FXR1: variants seen among roughly 807,000 people sequenced by gnomAD.
FXR1 encodes FMR1 autosomal homolog 1.
In FXR1, 15 loss-of-function variants were observed where a neutral mutation model predicts 84.0. The observed-to-expected ratio is 0.18, with a 90% CI of 0.12 to 0.27. The LOEUF (loss-of-function observed/expected upper bound fraction) is 0.27, where lower values mean the gene tolerates loss of function less well. FXR1 is among the 10% of genes least tolerant of loss of function. The probability of loss-of-function intolerance (pLI) is 1.00; values close to 1 mark genes in which losing one functional copy is unlikely to be tolerated. For missense variants in FXR1, 480 were observed against 774.4 expected, an observed-to-expected ratio of 0.62 and a Z score of 4.51; for synonymous variants, 245 against 250.7, an observed-to-expected ratio of 0.98 and a Z score of 0.21.
At chr3:180,969,352 G>C (rs1019828439) in intron 14 of FXR1, among the ~76,000 whole-genome samples, 2 of 152,194 alleles carry the variant, frequency 1.3e-5, no homozygotes, top group African/African-American at 2.4e-5. Flanking sequence ...TGCTTAGCTT[G>C]CTAGCTGTTA....
chr3:180,963,946 T>A (rs1157683825), intron 13 of FXR1, among the ~76,000 whole-genome samples: 1 of 152,184 alleles, frequency 6.6e-6, no homozygotes, highest in Non-Finnish European at 1.5e-5. Flanking sequence ...TGAGGAAATA[T>A]AAAACCTTTT....
intron 1 of FXR1, among the ~76,000 whole-genome samples, chr3:180,923,777 C>G (rs1469874816): frequency 1.3e-5 from 2 of 152,036 alleles, no homozygotes; most frequent in African/African-American, 2.4e-5. Context: ...GTCTGTTGAT[C>G]TGTCTCCCTA....
intron 3 of FXR1, among the ~76,000 whole-genome samples, chr3:180,945,966 TTCA>T (rs1721654143): frequency 6.6e-6 from 1 of 152,236 alleles, no homozygotes; most frequent in Admixed American, 6.5e-5. Flanking sequence ...CATCTCAGAC[TTCA>T]TAGTCTGAGG....
At chr3:180,935,023 T>C in intron 2 of FXR1, 115 bp from the exon 3 acceptor site, 1 of 570,578 alleles carries the variant, frequency 1.8e-6, no homozygotes, top group South Asian at 2.5e-5. Context: ...AGTATGAATG[T>C]TGTTTTCCTT....
At chr3:180,975,250 A>T in intron 15 of FXR1, 63 bp from the exon 16 acceptor site, 1 of 649,100 alleles carries the variant, frequency 1.5e-6, no homozygotes, top group Non-Finnish European at 2.6e-6. Context: ...ATTACCCTTT[A>T]TCCATAAATA....
chr3:180,928,125 AT>A (rs11425748), intron 1 of FXR1, among the ~76,000 whole-genome samples: 276 of 141,622 alleles, frequency 1.9e-3, no homozygotes, highest in East Asian at 4.1e-3. Context: ...TTATCTATTG[AT>A]TTTTTTTTTT....
chr3:180,965,941 CACTGGATTTCTAAGGATACTTCAATATGA>C, intron 13 of FXR1, among the ~76,000 whole-genome samples: 1 of 152,236 alleles, frequency 6.6e-6, no homozygotes, highest in African/African-American at 2.4e-5. Flanking sequence ...ATAAATACTA[CACTGGATTTCTAAGGATACTTCAATATGA>C]ACTTTTGAGA....
chr3:180,949,779 A>G (rs1722037855), intron 7 of FXR1, among the ~76,000 whole-genome samples: 1 of 152,318 alleles, frequency 6.6e-6, no homozygotes, highest in East Asian at 1.9e-4. Context: ...CCGTAGAACA[A>G]TTGCTTTTCC....
At chr3:180,964,700 T>TATATATATATATAA (rs1491324374) in intron 13 of FXR1, among the ~76,000 whole-genome samples, 2 of 139,824 alleles carry the variant, frequency 1.4e-5, no homozygotes, top group East Asian at 4.1e-4. Flanking sequence ...TATATATATA[T>TATATATATATATAA]AATGAGTACT....
chr3:180,949,257 A>G lies in FXR1; in HGVS notation c.544A>G (p.Asn182Asp), dbSNP rs750371062. 3 of 1,599,750 alleles carry G rather than the reference A, an allele frequency of 1.9e-6. No individual in the cohort carries two copies. The highest frequency in any genetic ancestry group is 2.6e-6 in the Non-Finnish European group (3 of 1,166,818). ...CAGTGAAGCAACTGTGAAGAGAGTA[A>G]ACATCTTAAGTGACATGCATTTGCG... ...SASEATVKRV[N>D]ILSDMHLRSI... The change falls in exon 7 of 17, where the codon AAC (asparagine) becomes GAC (aspartate). Residue 182 changes from asparagine (N) to aspartate (D), a missense_variant. Physicochemically the swap from Asn to Asp is conservative, Grantham distance 23. Transcript: ENST00000357559.
chr3:180,939,787 A>G (rs1393397546), intron 3 of FXR1, among the ~76,000 whole-genome samples: 1 of 152,208 alleles, frequency 6.6e-6, no homozygotes, highest in Non-Finnish European at 1.5e-5. Context: ...GACTCACAAC[A>G]TTCTTCTGCA....
At position 180,932,075 on chromosome 3, in the gene FXR1, C is replaced by CA. The variant is rs4042648; in HGVS notation, c.52-1244dup. ...CTTCTTCCATTTACTTTGTAAGTTT[C>CA]AAAAAAAAAAAAAAACAACTTTTTT... On this transcript the variant is annotated intron_variant, in intron 1 of 16. Transcript: ENST00000357559. Among the ~76,000 whole-genome samples the CA allele has an allele frequency of 4.3e-3, 342 of 79,162 alleles. 5 individuals carry two copies. Among genetic ancestry groups the CA allele is most frequent in the Middle Eastern group, 0.034 (4 of 116 alleles). The allele number at this position is 79,162 out of a possible 152,430, so 51.9% of individuals were successfully genotyped here.
At chr3:180,931,005 G>A (rs1719817883) in intron 1 of FXR1, among the ~76,000 whole-genome samples, 1 of 126,022 alleles carries the variant, frequency 7.9e-6, no homozygotes, top group Admixed American at 9.4e-5. Context: ...CTCCAGCCTG[G>A]GCAACAGAGC....
chr3:180,967,488 G>T (rs549962733), intron 13 of FXR1, among the ~76,000 whole-genome samples: 14 of 151,102 alleles, frequency 9.3e-5, no homozygotes, highest in Non-Finnish European at 1.5e-4. Context: ...AATAATTTAG[G>T]TTACTAAAAC....
intron 15 of FXR1, chr3:180,971,254 T>A: frequency 5.6e-5 from 14 of 250,250 alleles, no homozygotes; most frequent in Non-Finnish European, 8.8e-5. Context: ...TACACATGTG[T>A]GCATATACAT....
At chr3:180,920,752 C>T (rs1413918410) in intron 1 of FXR1, among the ~76,000 whole-genome samples, 1 of 152,138 alleles carries the variant, frequency 6.6e-6, no homozygotes, top group African/African-American at 2.4e-5. Context: ...CTCAGGTGAT[C>T]TGCCTGCCTC....
chr3:180,941,683 T>C (rs1287608167), intron 3 of FXR1, among the ~76,000 whole-genome samples: 1 of 152,098 alleles, frequency 6.6e-6, no homozygotes, highest in Non-Finnish European at 1.5e-5. Flanking sequence ...GAGACGAACA[T>C]ATTCTTTGTT....
chr3:180,980,181 A>T lies in FXR1; in HGVS notation c.*3889A>T, dbSNP rs963909224. On this transcript the variant is annotated 3_prime_UTR_variant, in exon 17 of 17. Coordinates refer to ENST00000357559, the MANE Select transcript of FXR1 (RefSeq NM_005087.4). ...GCAACACCTAACCAAATGCCCAAGT[A>T]TTCTCATAAGGAGTATGCTGAATTT... is the stretch of plus-strand genomic sequence containing the variant. 3.9e-5 allele frequency: 6 copies of T among 152,212 alleles called. No homozygotes were observed. Among genetic ancestry groups the T allele is most frequent in the African/African-American group, 2.4e-5 (1 of 41,568 alleles). The allele number at this position is 152,212 out of a possible 1,614,324, so 9.4% of individuals were successfully genotyped here.
chr3:180,920,146 A>G (rs1718404915), intron 1 of FXR1, among the ~76,000 whole-genome samples: 1 of 152,178 alleles, frequency 6.6e-6, no homozygotes, highest in South Asian at 2.1e-4. Context: ...TCAGATCAGG[A>G]GCCTCAGAGG....
Sources: allele counts gnomAD v4.1 joint callset (sites outside exome capture counted in the v4.1 genomes callset), GRCh38; gene constraint gnomAD v4.1.1; transcripts MANE v1.5; gene names NCBI Gene and HGNC (gene_info 2026-07-23, HGNC 2026-07-21).